CLEC16A: variants seen among roughly 807,000 people sequenced by gnomAD.
CLEC16A encodes C-type lectin domain containing 16A.
A neutral mutation model predicts 109.5 loss-of-function variants in CLEC16A; 51 were observed. The ratio of observed to expected loss-of-function variants is 0.47; its 90% confidence interval spans 0.37 to 0.59. The LOEUF (loss-of-function observed/expected upper bound fraction) is 0.59. CLEC16A is among the 20% of genes least tolerant of loss of function. The pLI, the probability that CLEC16A is intolerant of heterozygous loss-of-function variation, is 0.00. For missense variants in CLEC16A, 1,339 were observed against 1,394.0 expected, an observed-to-expected ratio of 0.96 and a Z score of 0.63; for synonymous variants, 673 against 564.2, an observed-to-expected ratio of 1.19 and a Z score of -2.73.
chr16:11,154,453 C>G (rs941038064), intron 22 of CLEC16A, among the ~76,000 whole-genome samples: 1 of 152,130 alleles, frequency 6.6e-6, no homozygotes, highest in Admixed American at 6.5e-5. Flanking sequence ...TCCTTTAAAC[C>G]TAGATATTTA....
chr16:10,950,907 T>C (rs1309786801), intron 1 of CLEC16A, among the ~76,000 whole-genome samples: 5 of 152,210 alleles, frequency 3.3e-5, no homozygotes, highest in Admixed American at 2.6e-4. Flanking sequence ...TTTCAAAATC[T>C]TGAAGGAGGA....
intron 22 of CLEC16A, among the ~76,000 whole-genome samples, chr16:11,164,668 T>C (rs2054841532): frequency 6.6e-6 from 1 of 152,234 alleles, no homozygotes; most frequent in African/African-American, 2.4e-5. Flanking sequence ...GGCCATGTGG[T>C]CGCTATGGCA....
chr16:10,974,698 G>A lies in CLEC16A; in HGVS notation c.728+1637G>A, dbSNP rs74581088. 4.5e-3 allele frequency among the ~76,000 whole-genome samples: 684 copies of A among 152,362 alleles called. 5 individuals carry two copies. The highest frequency in any genetic ancestry group is 0.031 in the Middle Eastern group (9 of 294). The stretch of plus-strand genomic sequence containing the variant: ...TGGGGTCAGGATGCTAAAGGGACCA[G>A]GGCAGACCCATTGGAGCAATTGGGA... On this transcript the variant is annotated intron_variant, in intron 7 of 23. Coordinates refer to ENST00000409790, the MANE Select transcript of CLEC16A (RefSeq NM_015226.3).
chr16:10,978,082 A>T (rs1394894453), intron 8 of CLEC16A, among the ~76,000 whole-genome samples: 4 of 152,200 alleles, frequency 2.6e-5, no homozygotes, highest in Non-Finnish European at 4.4e-5. Flanking sequence ...CAGCGACAGA[A>T]CTTGCGCAGC....
chr16:11,141,489 C>T (rs567411328), intron 22 of CLEC16A, among the ~76,000 whole-genome samples: 2 of 152,330 alleles, frequency 1.3e-5, no homozygotes, highest in Admixed American at 1.3e-4. Flanking sequence ...GTGGGGGGCA[C>T]TGGGTTGTCG....
At chr16:11,088,457 T>C (rs945300823) in intron 19 of CLEC16A, among the ~76,000 whole-genome samples, 2 of 152,202 alleles carry the variant, frequency 1.3e-5, no homozygotes, top group Admixed American at 6.5e-5. Flanking sequence ...GAAAGCCTCG[T>C]TGGGGATGGG....
chr16:11,139,798 T>C (rs915640057), intron 22 of CLEC16A, among the ~76,000 whole-genome samples: 4 of 152,190 alleles, frequency 2.6e-5, no homozygotes, highest in Admixed American at 1.3e-4. Flanking sequence ...TGCTAGCTGG[T>C]AAAATTCAGG....
intron 22 of CLEC16A, among the ~76,000 whole-genome samples, chr16:11,162,630 A>T (rs1371359712): frequency 6.6e-6 from 1 of 152,198 alleles, no homozygotes; most frequent in Non-Finnish European, 1.5e-5. Context: ...AACATATGGG[A>T]CATGCTTTTT....
chr16:11,124,345 A>C (rs2052644750), intron 21 of CLEC16A, among the ~76,000 whole-genome samples: 1 of 152,214 alleles, frequency 6.6e-6, no homozygotes, highest in Non-Finnish European at 1.5e-5. Context: ...AGAAGGAAAC[A>C]GGCTCAGGGA....
At chr16:11,155,058 A>G (rs2054454628) in intron 22 of CLEC16A, among the ~76,000 whole-genome samples, 1 of 152,098 alleles carries the variant, frequency 6.6e-6, no homozygotes, top group African/African-American at 2.4e-5. Context: ...GGCGAGGTCA[A>G]GAGGCTGCAG....
intron 19 of CLEC16A, among the ~76,000 whole-genome samples, chr16:11,090,788 G>T (rs1597353873): frequency 6.6e-6 from 1 of 150,796 alleles, no homozygotes; most frequent in African/African-American, 2.4e-5. Flanking sequence ...GGGATTACAG[G>T]CATGCGCTAC....
rs768355011 is a variant in CLEC16A, at chr16:11,061,002, C to T, written c.2096C>T (p.Thr699Ile). ...PLTREEDLIK[T>I]DDVLDLNNSD... The stretch of plus-strand genomic sequence containing the variant: ...ACTCGGGAGGAGGACCTGATCAAGA[C>T]TGATGATGTCCTGGATCTGAGTGAG... Residue 699 changes from threonine to isoleucine, a missense_variant, in exon 19 of 24, where the codon ACT (threonine) becomes ATT (isoleucine). Thr to Ile is a moderately conservative substitution (Grantham distance 89). This residue lies in a region of CLEC16A where 1,061 missense variants were observed against 1,006.8 expected (regional missense o/e 1.05). Transcript: ENST00000409790. 5 of 1,610,406 alleles carry T rather than the reference C, an allele frequency of 3.1e-6. No individual in the cohort carries two copies. The highest frequency in any genetic ancestry group is 4.2e-6 in the Non-Finnish European group (5 of 1,178,974).
At chr16:11,128,502 C>T (rs1386405698) in intron 22 of CLEC16A, among the ~76,000 whole-genome samples, 1 of 152,248 alleles carries the variant, frequency 6.6e-6, no homozygotes, top group Non-Finnish European at 1.5e-5. Flanking sequence ...GCAGCATCCA[C>T]CCCTTGGCTG....
At chr16:10,947,004 T>C (rs1045591893) in intron 1 of CLEC16A, among the ~76,000 whole-genome samples, 3 of 152,244 alleles carry the variant, frequency 2.0e-5, no homozygotes, top group African/African-American at 7.2e-5. Context: ...TCATCGCCAA[T>C]GGGGCATCTT....
intron 22 of CLEC16A, among the ~76,000 whole-genome samples, chr16:11,137,576 G>A (rs751615649): frequency 5.5e-4 from 73 of 132,738 alleles, no homozygotes; most frequent in Non-Finnish European, 1.0e-3. Context: ...GTGACAGAGC[G>A]AGACTCCATC....
At chr16:11,149,586 G>A (rs1338540693) in intron 22 of CLEC16A, among the ~76,000 whole-genome samples, 1 of 152,088 alleles carries the variant, frequency 6.6e-6, no homozygotes, top group African/African-American at 2.4e-5. Context: ...GAGCTCAAGA[G>A]TTCAAGACCA....
intron 13 of CLEC16A, among the ~76,000 whole-genome samples, chr16:11,035,727 A>C (rs1383156028): frequency 6.6e-6 from 1 of 152,242 alleles, no homozygotes; most frequent in Non-Finnish European, 1.5e-5. Context: ...ATGCGAAGGC[A>C]ATCTTGTCAT....
intron 10 of CLEC16A, among the ~76,000 whole-genome samples, chr16:10,999,348 T>C (rs145341083): frequency 7.2e-4 from 110 of 152,354 alleles, no homozygotes; most frequent in Admixed American, 1.9e-3. Flanking sequence ...CTGCTTTTTT[T>C]AATTCCCCCA....
At chr16:11,052,351 C>A (rs79084053) in intron 18 of CLEC16A, among the ~76,000 whole-genome samples, 7 of 152,298 alleles carry the variant, frequency 4.6e-5, no homozygotes, top group Non-Finnish European at 1.0e-4. Flanking sequence ...CACAGCTCCC[C>A]TTGTCAGCCT....
Sources: allele counts gnomAD v4.1 joint callset (sites outside exome capture counted in the v4.1 genomes callset), GRCh38; gene constraint gnomAD v4.1.1; regional missense constraint gnomAD v4.1.1; transcripts MANE v1.5; gene names NCBI Gene and HGNC (gene_info 2026-07-23, HGNC 2026-07-21).